The following TGFBI variants were observed in gnomAD, a reference collection of about 807,000 sequenced individuals.
TGFBI encodes the protein transforming growth factor-beta-induced protein ig-h3.
Under a neutral mutation model 73.7 loss-of-function variants are expected in TGFBI, and 50 were observed. The observed-to-expected ratio is 0.68, with a 90% confidence interval of 0.54 to 0.86. The LOEUF is 0.86. Among genes scored for constraint, TGFBI ranks in the 40% least tolerant of loss-of-function variants. The pLI, the probability that TGFBI is intolerant of heterozygous loss-of-function variation, is 0.00. For synonymous variants in TGFBI, 362 were observed against 360.5 expected (o/e 1.00, Z -0.05); for missense variants, 839 against 877.0 (o/e 0.96, Z 0.55).
rs1158796880 is a variant in TGFBI, at chr5:136,046,352, C to A, written c.316C>A (p.Leu106Ile). Residue 106 changes from leucine to isoleucine, a missense_variant, in exon 4 of 17, where the codon CTT (leucine) becomes ATT (isoleucine). Coordinates refer to ENST00000442011, the MANE Select transcript of TGFBI (RefSeq NM_000358.3). ...TCCTGCAGCCCTACCACTCTCAAAC[C>A]TTTACGAGACCCTGGGAGTCGTTGG... ...GCPAALPLSN[L>I]YETLGVVGST... is the part of the protein sequence containing the mutation. 2 of 1,613,950 alleles carry A rather than the reference C, an allele frequency of 1.2e-6. No homozygotes were observed. Among genetic ancestry groups the A allele is most frequent in the South Asian group, 1.1e-5 (1 of 91,066 alleles).
intron 2 of TGFBI, among the ~76,000 whole-genome samples, chr5:136,042,976 G>GT (rs1363098678): frequency 6.6e-6 from 1 of 152,196 alleles, no homozygotes; most frequent in Non-Finnish European, 1.5e-5. Context: ...TCCTGGTGAT[G>GT]TCATTAAACG....
At chr5:136,037,596 G>A (rs1445520602) in intron 2 of TGFBI, among the ~76,000 whole-genome samples, 1 of 152,206 alleles carries the variant, frequency 6.6e-6, no homozygotes, top group Non-Finnish European at 1.5e-5. Context: ...GGAGGAGCTA[G>A]CGGGTATGGG....
At chr5:136,037,229 G>A (rs1372936142) in intron 2 of TGFBI, among the ~76,000 whole-genome samples, 1 of 152,176 alleles carries the variant, frequency 6.6e-6, no homozygotes, top group African/African-American at 2.4e-5. Context: ...GGCTGTTATT[G>A]TGAATTTTAT....
rs1162330590 is a variant in TGFBI at position 136,046,278 on chromosome 5, G to T, written c.299-57G>T. 1.1e-5 allele frequency: 17 copies of T among 1,599,230 alleles called. No individual in the cohort carries two copies. In the Admixed American group the frequency reaches 2.5e-4, roughly 24 times the overall value. On this transcript the variant is annotated intron_variant, in intron 3 of 16. Coordinates refer to ENST00000442011, the MANE Select transcript of TGFBI (RefSeq NM_000358.3). ...CGTGCTCTCTGTCAGAGAAGGGAGGGTGTGGTTGGGCTGGACCCCCAGAGG... is the reference window on the plus strand; with the variant it reads ...CGTGCTCTCTGTCAGAGAAGGGAGGTTGTGGTTGGGCTGGACCCCCAGAGG...
intron 10 of TGFBI, 23 bp downstream of exon 10, chr5:136,054,884 T>C: frequency 6.2e-7 from 1 of 1,611,082 alleles, no homozygotes. Context: ...TCCTAAATCA[T>C]GCTCCTGGGA....
At chr5:136,054,695 A>C (rs762908334) in intron 9 of TGFBI, 21 bp from the exon 10 acceptor site, 10 of 1,613,798 alleles carry the variant, frequency 6.2e-6, no homozygotes, top group Non-Finnish European at 8.5e-6. Context: ...CTCTGGACCT[A>C]ACCATCACCC....
chr5:136,045,007 T>C (rs1425117692), intron 3 of TGFBI: 2 of 152,248 alleles, frequency 1.3e-5, no homozygotes, highest in Non-Finnish European at 2.9e-5. Flanking sequence ...GTATTATCTT[T>C]TATTGTATTT....
Position 136,062,541 on chromosome 5 carries a change from C to T in TGFBI, c.1987-122C>T, listed in dbSNP as rs1751766015. ...CTGGTGCCTATAAGTTCCACCTTCCCCTTCCTCTTCCTCGCCCCAGCATTT... is the reference window on the plus strand; with the variant it reads ...CTGGTGCCTATAAGTTCCACCTTCCTCTTCCTCTTCCTCGCCCCAGCATTT... On this transcript the variant is annotated intron_variant, in intron 15 of 16. Transcript: ENST00000442011. 1.4e-5 allele frequency: 14 copies of T among 1,013,630 alleles called. No homozygotes were observed. In the South Asian group the frequency reaches 1.5e-4, roughly 11 times the overall value. 62.8% of individuals were successfully genotyped at this position (1,013,630 alleles called of 1,614,324 possible).
intron 7 of TGFBI, among the ~76,000 whole-genome samples, chr5:136,050,163 T>C (rs939454273): frequency 5.9e-5 from 9 of 151,856 alleles, no homozygotes; most frequent in African/African-American, 2.2e-4. Flanking sequence ...CGAAACCCCA[T>C]CTCTACTAAA....
At chr5:136,055,891 T>G (rs1751622162) in intron 11 of TGFBI, 75 bp downstream of exon 11, 1 of 1,463,390 alleles carries the variant, frequency 6.8e-7, no homozygotes, top group African/African-American at 1.4e-5. Context: ...CCCAGCTATT[T>G]GTCAAGCTTT....
intron 12 of TGFBI, among the ~76,000 whole-genome samples, chr5:136,057,401 G>A (rs779922597): frequency 6.6e-6 from 1 of 152,158 alleles, no homozygotes; most frequent in Admixed American, 6.5e-5. Flanking sequence ...GTTAGTCATG[G>A]CTCTGAGAGA....
chr5:136,050,752 T>C (rs1751519462), intron 7 of TGFBI, among the ~76,000 whole-genome samples: 1 of 152,240 alleles, frequency 6.6e-6, no homozygotes. Context: ...TATACATCTA[T>C]ACATTTAAAG....
chr5:136,051,873 G>A (rs1436726090), intron 7 of TGFBI, among the ~76,000 whole-genome samples: 2 of 152,322 alleles, frequency 1.3e-5, no homozygotes, highest in East Asian at 1.9e-4. Flanking sequence ...GCCAGCACGG[G>A]CTTCCAAGGC....
At chr5:136,056,885 G>C in intron 12 of TGFBI, 90 bp downstream of exon 12, 3 of 1,440,244 alleles carry the variant, frequency 2.1e-6, no homozygotes, top group Non-Finnish European at 2.8e-6. Flanking sequence ...ATCAAGGATT[G>C]ACTTGAAGGG....
chr5:136,059,876 T>C (rs1254672471), intron 13 of TGFBI, among the ~76,000 whole-genome samples: 1 of 152,178 alleles, frequency 6.6e-6, no homozygotes, highest in Non-Finnish European at 1.5e-5. Flanking sequence ...AAGATATGCA[T>C]GTAGGGAGGT....
chr5:136,049,156 T>A (rs6596281), intron 6 of TGFBI: 112,917 of 345,994 alleles, frequency 0.33, 20,648 homozygotes, highest in African/African-American at 0.58. Flanking sequence ...AGAAGCAAAG[T>A]AAGAGGGAAG....
At position 136,052,943 on chromosome 5, in the gene TGFBI, G is replaced by A; in HGVS notation, c.950G>A (p.Cys317Tyr). 1 of 1,614,040 alleles carries A rather than the reference G, an allele frequency of 6.2e-7. No individual in the cohort carries two copies. The highest frequency in any genetic ancestry group is 2.2e-5 in the East Asian group (1 of 44,888). Residue 317 changes from cysteine (C) to tyrosine (Y), a missense_variant, in exon 8 of 17, where the codon TGT becomes TAT. Cys to Tyr is a radical substitution (Grantham distance 194). Transcript: ENST00000442011. ...AACCACATCTTGAAGTCAGCTATGT[G>A]TGCTGAAGCCATCGTTGCGGGGCTG... ...LNNHILKSAM[C>Y]AEAIVAGLSV...
rs563619422 is a variant in TGFBI at position 136,035,686 on chromosome 5, G to C, written c.233+1825G>C. ...TACTGATTGATTTTTTCCCATGTGT[G>C]TATATTATCTACTCAAATTAACAAT... On this transcript the variant is annotated intron_variant, in intron 2 of 16. Transcript: ENST00000442011. 2.2e-4 allele frequency among the ~76,000 whole-genome samples: 33 copies of C among 151,516 alleles called. No homozygotes were observed. In the Middle Eastern group the frequency reaches 0.014, roughly 64 times the overall value.
In TGFBI at chr5:136,046,833, C is replaced by T; in HGVS notation, c.460-18C>T. ...CAGAGTCTGCAGCCCCTAACTGACA[C>T]CCTGTCCTTCCTCCTAGGAAGTGCT... On this transcript the variant is annotated intron_variant, in intron 4 of 16. Coordinates refer to ENST00000442011, the MANE Select transcript of TGFBI (RefSeq NM_000358.3). 1 of 1,608,898 alleles carries T rather than the reference C, an allele frequency of 6.2e-7. No homozygotes were observed. Among genetic ancestry groups the T allele is most frequent in the Non-Finnish European group, 8.5e-7 (1 of 1,176,894 alleles).
Sources: gnomAD v4.1 joint callset for allele counts (sites outside exome capture counted in the v4.1 genomes callset) on GRCh38, gnomAD v4.1.1 for gene constraint, MANE v1.5 for transcripts, NCBI Gene and HGNC (gene_info 2026-07-23, HGNC 2026-07-21) for gene names.